The following THBS4 variants were observed in gnomAD, a reference collection of about 807,000 sequenced individuals.
THBS4 encodes thrombospondin 4.
Under a neutral mutation model 115.7 loss-of-function variants are expected in THBS4, and 90 were observed. The observed-to-expected ratio is 0.78, with a 90% CI of 0.66 to 0.93. The LOEUF (loss-of-function observed/expected upper bound fraction) is 0.93. Among genes scored for constraint, THBS4 ranks in the 40% least tolerant of loss-of-function variants. THBS4 has a pLI of 0.00. For missense variants in THBS4, 1,087 were observed against 1,232.7 expected (o/e 0.88, Z 1.77); for synonymous variants, 460 against 479.3 (o/e 0.96, Z 0.53).
At position 80,068,143 on chromosome 5, in the gene THBS4, T is replaced by C; in HGVS notation, c.1347+18T>C. ...CATGTGTGGTAAGTTGTTTTTTGAC[T>C]TCCTCTATCATTTTTCCTCTTCCAT... On this transcript the variant is annotated intron_variant, in intron 10 of 21. Transcript: ENST00000350881. The C allele has an allele frequency of 4.3e-6, 7 of 1,612,952 alleles. No homozygotes were observed. The highest frequency in any genetic ancestry group is 5.9e-6 in the Non-Finnish European group (7 of 1,179,368).
chr5:80,044,797 G>A (rs764408142), intron 2 of THBS4, among the ~76,000 whole-genome samples: 2 of 152,076 alleles, frequency 1.3e-5, no homozygotes, highest in Non-Finnish European at 2.9e-5. Context: ...GATACAGGTA[G>A]TATTTCTGGT....
At chr5:80,005,947 A>G (rs531234862) in intron 2 of THBS4, among the ~76,000 whole-genome samples, 3 of 151,796 alleles carry the variant, frequency 2.0e-5, no homozygotes, top group Non-Finnish European at 4.4e-5. Flanking sequence ...TTGTATCTTT[A>G]GTAGACATGG....
chr5:80,062,215 C>T (rs916061921), intron 8 of THBS4, among the ~76,000 whole-genome samples: 7 of 152,092 alleles, frequency 4.6e-5, no homozygotes, highest in African/African-American at 1.7e-4. Flanking sequence ...TGTTGCCAAT[C>T]GAAGCTGTTT....
intron 21 of THBS4, 89 bp from the exon 22 acceptor site, chr5:80,082,991 C>A: frequency 4.2e-6 from 5 of 1,178,810 alleles, no homozygotes; most frequent in Middle Eastern, 2.1e-4. Context: ...TAACAGCGCC[C>A]CCTACAGGAC....
intron 2 of THBS4, among the ~76,000 whole-genome samples, chr5:80,041,689 C>T (rs544855984): frequency 1.3e-5 from 2 of 152,260 alleles, no homozygotes; most frequent in East Asian, 3.9e-4. Flanking sequence ...AGAAAATGGT[C>T]ACTATTTTTC....
At chr5:80,041,538 A>G (rs957996131) in intron 2 of THBS4, among the ~76,000 whole-genome samples, 1 of 152,094 alleles carries the variant, frequency 6.6e-6, no homozygotes, top group Admixed American at 6.5e-5. Context: ...AATATACCTC[A>G]ACCAGTAGAA....
chr5:80,043,372 T>C (rs189131743), intron 2 of THBS4, among the ~76,000 whole-genome samples: 82 of 152,266 alleles, frequency 5.4e-4, no homozygotes, highest in South Asian at 4.8e-3. Flanking sequence ...TGTTCAGTGG[T>C]GGCCATGCTG....
rs763987530 is a variant in THBS4 at position 80,070,393 on chromosome 5, GC to G, written c.1437del (p.Arg480GlyfsTer38). The G allele has an allele frequency of 3.1e-6, 5 of 1,614,056 alleles. No individual in the cohort carries two copies. The highest frequency in any genetic ancestry group is 4.2e-6 in the Non-Finnish European group (5 of 1,179,954). On this transcript the variant is annotated frameshift_variant, in exon 11 of 22. Transcript: ENST00000350881. LOFTEE classifies it high-confidence loss of function. ...CCCCGACGAAGAACTGCCATGCTCT[GC>G]CAGGAACTGTAAAAAGGTAAGGGGT... ...SYPDEELPCS[A>X]RNCKKDNCKY...
chr5:80,072,615 C>G, intron 14 of THBS4: 1 of 545,030 alleles, frequency 1.8e-6, no homozygotes, highest in Non-Finnish European at 3.3e-6. Context: ...CTGTCGATTG[C>G]CTGTGAGGTT....
intron 2 of THBS4, among the ~76,000 whole-genome samples, chr5:80,046,470 A>T (rs539663269): frequency 1.3e-5 from 2 of 152,368 alleles, no homozygotes. Flanking sequence ...TCTGAAAACC[A>T]CAGGCTACTG....
intron 2 of THBS4, among the ~76,000 whole-genome samples, chr5:80,007,523 C>T (rs1413162980): frequency 6.6e-6 from 1 of 152,188 alleles, no homozygotes; most frequent in African/African-American, 2.4e-5. Context: ...GCAGGTGTCC[C>T]CACTACCGTC....
At position 80,040,180 on chromosome 5, in the gene THBS4, C is replaced by T. The variant is rs1832851821; in HGVS notation, c.192C>T (p.Phe64=). ...ALNDLYVIST[F]KLQTKSSATI... is the part of the protein sequence containing the mutation. ...ATGATCTCTATGTGATTTCCACCTTCAAGCTGCAGACTAAAAGTTCAGCCA... is the reference window on the plus strand; with the variant it reads ...ATGATCTCTATGTGATTTCCACCTTTAAGCTGCAGACTAAAAGTTCAGCCA... The change falls in exon 2 of 22, where the codon TTC becomes TTT. Residue 64 remains phenylalanine (F), a synonymous_variant. Transcript: ENST00000350881. 6.2e-7 allele frequency: 1 copy of T among 1,614,058 alleles called. No individual in the cohort carries two copies. The highest frequency in any genetic ancestry group is 1.3e-5 in the African/African-American group (1 of 74,920).
intron 13 of THBS4, among the ~76,000 whole-genome samples, chr5:80,071,425 C>A (rs1279864226): frequency 6.6e-6 from 1 of 152,084 alleles, no homozygotes; most frequent in African/African-American, 2.4e-5. Flanking sequence ...CTTTGTATGA[C>A]CCCTTCAAGC....
At position 80,035,590 on chromosome 5, in the gene THBS4, G is replaced by T; in HGVS notation, c.53G>T (p.Arg18Leu). Residue 18 changes from arginine (R) to leucine (L), a missense_variant, in exon 1 of 22, where the codon CGG becomes CTG. Physicochemically the swap from Arg to Leu is moderately radical, Grantham distance 102. Around this residue, in one of 3 missense-constraint regions of THBS4, gnomAD observed 979 missense variants for 1,103.7 expected, o/e 0.89. Coordinates refer to ENST00000350881, the MANE Select transcript of THBS4 (RefSeq NM_003248.6). The surrounding 1 kb of genome is among the most constrained non-coding windows in gnomAD (Gnocchi z 4.6). ...AVLLLHLVLQ[R>L]WLAAGAQATP... ...CTCCTGCTGCACCTGGTCCTGCAGC[G>T]GTGGCTAGCGGCAGGCGCCCAGGCC... 2.0e-5 allele frequency: 28 copies of T among 1,433,128 alleles called. No homozygotes were observed. The highest frequency in any genetic ancestry group is 2.6e-5 in the Non-Finnish European group (28 of 1,092,288). The allele number at this position is 1,433,128 out of a possible 1,614,324, so 88.8% of individuals were successfully genotyped here. A position where few individuals can be genotyped will look rare whatever the true frequency, so the allele number is the denominator to read the frequency against.
intron 14 of THBS4, 59 bp from the exon 15 acceptor site, chr5:80,073,216 C>T: frequency 6.4e-7 from 1 of 1,568,470 alleles, no homozygotes. Context: ...TCTGCCTTCT[C>T]TGGAACATTC....
At chr5:80,078,269 A>G in intron 17 of THBS4, 42 bp downstream of exon 17, 1 of 1,475,304 alleles carries the variant, frequency 6.8e-7, no homozygotes, top group Admixed American at 2.1e-5. Context: ...CTTGCCTCTC[A>G]ACAGAGGCCC....
upstream of THBS4, among the ~76,000 whole-genome samples, chr5:80,032,473 G>A (rs1051222536): frequency 6.6e-6 from 1 of 152,264 alleles, no homozygotes; most frequent in Non-Finnish European, 1.5e-5. Context: ...ATTGACGCAC[G>A]ATCACAAGAT....
At chr5:80,009,211 G>A (rs1832074598) in intron 2 of THBS4, among the ~76,000 whole-genome samples, 1 of 152,184 alleles carries the variant, frequency 6.6e-6, no homozygotes, top group Non-Finnish European at 1.5e-5. Flanking sequence ...GAAAAGGAGT[G>A]TTTTATTTGG....
chr5:80,002,671 A>C (rs1334996379), intron 2 of THBS4, among the ~76,000 whole-genome samples: 1 of 151,564 alleles, frequency 6.6e-6, no homozygotes, highest in South Asian at 2.1e-4. Flanking sequence ...CCAAGCAGTA[A>C]ATGGCATTGT....
Sources: allele counts gnomAD v4.1 joint callset (sites outside exome capture counted in the v4.1 genomes callset), GRCh38; gene constraint gnomAD v4.1.1; regional missense constraint gnomAD v4.1.1; non-coding constraint Gnocchi (gnomAD v3.1); transcripts MANE v1.5; gene names NCBI Gene and HGNC (gene_info 2026-07-23, HGNC 2026-07-21).